Variants in OPN3 observed in about 807,000 individuals in gnomAD.
OPN3 encodes opsin 3.
Under a neutral mutation model 33.8 loss-of-function variants are expected in OPN3, and 29 were observed. The ratio of observed to expected loss-of-function variants is 0.86; its 90% CI spans 0.64 to 1.17. The LOEUF (loss-of-function observed/expected upper bound fraction) is 1.17. OPN3 is among the 50% of genes most tolerant of loss of function. The pLI, the probability that OPN3 is intolerant of heterozygous loss-of-function variation, is 0.00. For missense variants in OPN3, 437 were observed against 514.1 expected (o/e 0.85, Z 1.45); for synonymous variants, 216 against 216.1 (o/e 1.00, Z 0.00).
At chr1:241,607,321 C>A (rs1255770600) in intron 1 of OPN3, among the ~76,000 whole-genome samples, 1 of 152,070 alleles carries the variant, frequency 6.6e-6, no homozygotes, top group African/African-American at 2.4e-5. Context: ...TCAAGACCAG[C>A]CTGGCCAACG....
intron 2 of OPN3, among the ~76,000 whole-genome samples, chr1:241,598,360 G>A (rs768440451): frequency 6.6e-6 from 1 of 152,102 alleles, no homozygotes; most frequent in South Asian, 2.1e-4. Context: ...GAATTTCCCT[G>A]TGATCCTGGA....
intron 2 of OPN3, among the ~76,000 whole-genome samples, chr1:241,598,300 A>T (rs766677417): frequency 5.3e-5 from 8 of 152,078 alleles, no homozygotes; most frequent in Non-Finnish European, 1.0e-4. Context: ...TTTTGCCTAG[A>T]TCTTCAAGTC....
intron 1 of OPN3, chr1:241,634,279 A>G (rs777390084): frequency 3.1e-6 from 5 of 1,613,870 alleles, no homozygotes; most frequent in Non-Finnish European, 4.2e-6. Context: ...TCATGGTTGA[A>G]GAACATAATT....
chr1:241,625,837 TG>T (rs1664406656), intron 1 of OPN3, among the ~76,000 whole-genome samples: 1 of 152,220 alleles, frequency 6.6e-6, no homozygotes, highest in Non-Finnish European at 1.5e-5. Flanking sequence ...TATCGATATT[TG>T]GGGCTGGATA....
chr1:241,606,546 AAAAT>A (rs10677298), intron 1 of OPN3, among the ~76,000 whole-genome samples: 26,236 of 141,892 alleles, frequency 0.18, 2,644 homozygotes, highest in Admixed American at 0.33. Flanking sequence ...ACTCTGATTC[AAAAT>A]AAATAAATAA....
rs1244238237 is a variant in OPN3, at chr1:241,593,295, C to G, written c.*1133G>C. On this transcript the variant is annotated 3_prime_UTR_variant, in exon 4 of 4. Coordinates refer to ENST00000366554, the MANE Select transcript of OPN3 (RefSeq NM_014322.3). Reference sequence around the variant, plus strand: ...CTTCGACTACATACTGCAGCAGAACCAGCAATACACTTGATTTTTAAAAGC... The same window carrying G: ...CTTCGACTACATACTGCAGCAGAACGAGCAATACACTTGATTTTTAAAAGC... 2.6e-6 allele frequency: 1 copy of G among 392,054 alleles called. No homozygotes were observed. Among genetic ancestry groups the G allele is most frequent in the Admixed American group, 2.5e-5 (1 of 40,202 alleles). The allele number at this position is 392,054 out of a possible 1,614,324, so 24.3% of individuals were successfully genotyped here.
At chr1:241,635,668 C>G in intron 1 of OPN3, 2 of 1,614,026 alleles carry the variant, frequency 1.2e-6, no homozygotes, top group Non-Finnish European at 1.7e-6. Context: ...TATGCAGAAC[C>G]CTCTGACCAC....
chr1:241,602,617 T>A (rs1184603980), intron 2 of OPN3, among the ~76,000 whole-genome samples: 1 of 151,916 alleles, frequency 6.6e-6, no homozygotes, highest in Non-Finnish European at 1.5e-5. Flanking sequence ...TATGCACTCG[T>A]GGGAAGACAG....
intron 1 of OPN3, among the ~76,000 whole-genome samples, chr1:241,607,720 G>A (rs940478923): frequency 5.3e-5 from 7 of 131,516 alleles, no homozygotes; most frequent in African/African-American, 2.1e-4. Context: ...GAAAGAAAGA[G>A]GAAGAGAAAG....
intron 2 of OPN3, among the ~76,000 whole-genome samples, chr1:241,599,934 T>A (rs573747144): frequency 6.6e-6 from 1 of 152,206 alleles, no homozygotes; most frequent in Non-Finnish European, 1.5e-5. Flanking sequence ...TATGTATATG[T>A]ACATTTATGA....
chr1:241,611,205 A>G (rs139584448), intron 1 of OPN3, among the ~76,000 whole-genome samples: 2 of 152,184 alleles, frequency 1.3e-5, no homozygotes, highest in Admixed American at 6.5e-5. Flanking sequence ...GCCACATTGA[A>G]TAGCTTATTT....
Position 241,594,537 on chromosome 1 carries a change from T to C in OPN3, c.1100A>G (p.Asn367Ser), listed in dbSNP as rs1663437806. 1 of 1,613,882 alleles carries C rather than the reference T, an allele frequency of 6.2e-7. No homozygotes were observed. Among genetic ancestry groups the C allele is most frequent in the African/African-American group, 1.3e-5 (1 of 74,926 alleles). ...GATGATAAAAATGATGGAAGAAGAG[T>C]TGAAAGTCACTTTTTTCTTTGGCCT... The part of the protein sequence containing the change: ...GDRPKKKVTF[N>S]SSSIIFIITS... The change falls in exon 4 of 4, where the codon AAC (asparagine) becomes AGC (serine). Residue 367 changes from asparagine to serine, a missense_variant. By Grantham distance (46) the Asn-to-Ser change is conservative. Transcript: ENST00000366554.
intron 2 of OPN3, chr1:241,600,980 G>C (rs1215041447): frequency 1.3e-5 from 2 of 152,168 alleles, no homozygotes; most frequent in African/African-American, 2.4e-5. Flanking sequence ...GGTTCTGAGG[G>C]TGGGTTAGAG....
chr1:241,607,127 T>A (rs1573954461), intron 1 of OPN3, among the ~76,000 whole-genome samples: 1 of 152,284 alleles, frequency 6.6e-6, no homozygotes. Context: ...ATCCAATAAA[T>A]GTTCTTTGAA....
At chr1:241,599,106 T>C (rs1663615137) in intron 2 of OPN3, among the ~76,000 whole-genome samples, 3 of 152,094 alleles carry the variant, frequency 2.0e-5, no homozygotes, top group Admixed American at 2.0e-4. Flanking sequence ...AAATTATATT[T>C]AAGAAATTAT....
chr1:241,629,142 C>T (rs1664517120), intron 1 of OPN3: 1 of 152,472 alleles, frequency 6.6e-6, no homozygotes, highest in African/African-American at 2.4e-5. Flanking sequence ...TAACCATTTC[C>T]AATCGTTGGG....
chr1:241,607,059 T>C (rs1663852669), intron 1 of OPN3, among the ~76,000 whole-genome samples: 1 of 152,212 alleles, frequency 6.6e-6, no homozygotes, highest in Admixed American at 6.5e-5. Context: ...AGGTTTGTTC[T>C]TCTGTGGGAG....
chr1:241,612,127 G>A (rs1283736690), intron 1 of OPN3, among the ~76,000 whole-genome samples: 4 of 152,176 alleles, frequency 2.6e-5, no homozygotes, highest in Admixed American at 6.5e-5. Flanking sequence ...AAGTGAAGAT[G>A]ATTAGGGGAT....
chr1:241,612,687 A>G (rs1664028598), intron 1 of OPN3, among the ~76,000 whole-genome samples: 1 of 152,202 alleles, frequency 6.6e-6, no homozygotes, highest in South Asian at 2.1e-4. Flanking sequence ...CAGCTTGAAC[A>G]TTATATAATG....
Sources: allele counts gnomAD v4.1 joint callset (sites outside exome capture counted in the v4.1 genomes callset), GRCh38; gene constraint gnomAD v4.1.1; transcripts MANE v1.5; gene names NCBI Gene and HGNC (gene_info 2026-07-23, HGNC 2026-07-21).